Variants in ZBBX observed in about 807,000 individuals in gnomAD.
ZBBX encodes zinc finger B-box domain containing.
Under a neutral mutation model 108.5 loss-of-function variants are expected in ZBBX, and 101 were observed. That is an observed-to-expected ratio of 0.93 (90% CI 0.79 to 1.10). The LOEUF is 1.10. ZBBX is among the 50% of genes least tolerant of loss of function. The pLI is 0.00. For missense variants in ZBBX, 1,009 were observed against 941.4 expected (o/e 1.07, Z -0.94); for synonymous variants, 356 against 323.4 (o/e 1.10, Z -1.08).
At chr3:167,377,194 CAT>C (rs1747097322) in intron 2 of ZBBX, among the ~76,000 whole-genome samples, 3 of 152,156 alleles carry the variant, frequency 2.0e-5, no homozygotes, top group African/African-American at 2.4e-5. Flanking sequence ...TCCTTCTACA[CAT>C]GTTCCTATTT....
At chr3:167,317,145 T>C in intron 13 of ZBBX, 40 bp from the exon 14 acceptor site, 6 of 1,294,406 alleles carry the variant, frequency 4.6e-6, no homozygotes, top group South Asian at 1.3e-5. Flanking sequence ...TCAAAGAATA[T>C]ATCTTACTTT....
At chr3:167,300,609 C>CTT (rs59816017) in intron 17 of ZBBX, among the ~76,000 whole-genome samples, 3 of 141,804 alleles carry the variant, frequency 2.1e-5, no homozygotes, top group Non-Finnish European at 4.6e-5. Context: ...CCCACCAACC[C>CTT]TTTTTTTTTT....
intron 11 of ZBBX, among the ~76,000 whole-genome samples, chr3:167,326,069 A>AT (rs1737330615): frequency 6.6e-6 from 1 of 152,158 alleles, no homozygotes; most frequent in African/African-American, 2.4e-5. Flanking sequence ...TTTTAAGGTA[A>AT]ATATGTAAGT....
chr3:167,245,403 C>A (rs1241243653), intron 20 of ZBBX, among the ~76,000 whole-genome samples: 2 of 152,076 alleles, frequency 1.3e-5, no homozygotes, highest in East Asian at 1.9e-4. Flanking sequence ...TTATTCTTTC[C>A]ATCTTCTCTC....
At chr3:167,308,747 G>A (rs1256747800) in intron 16 of ZBBX, among the ~76,000 whole-genome samples, 1 of 152,112 alleles carries the variant, frequency 6.6e-6, no homozygotes, top group Non-Finnish European at 1.5e-5. Context: ...AAGCTAAATG[G>A]TGAGAACACA....
At chr3:167,343,241 A>C (rs1174580310) in intron 9 of ZBBX, among the ~76,000 whole-genome samples, 1 of 151,716 alleles carries the variant, frequency 6.6e-6, no homozygotes, top group Admixed American at 6.6e-5. Flanking sequence ...ATCTTTCAAA[A>C]TTTCCTCAGC....
chr3:167,379,342 G>A (rs1440603939), intron 2 of ZBBX, among the ~76,000 whole-genome samples: 3 of 152,120 alleles, frequency 2.0e-5, no homozygotes, highest in African/African-American at 7.2e-5. Context: ...ATTAAAAAGC[G>A]AATAAAATAA....
Position 167,365,936 on chromosome 3 carries a change from A to G in ZBBX, c.223T>C (p.Leu75=). ...GACATCATATATGATTGATTGACCA[A>G]TTTGCCCACTTTTCCAGATTTCCAG... ...YYWKSGKVGK[L]VNQSYMMSQN... is the part of the protein sequence containing the mutation. The change falls in exon 6 of 22, where the codon TTG becomes CTG. Residue 75 remains leucine, a synonymous_variant. Coordinates refer to ENST00000675490, the MANE Select transcript of ZBBX (RefSeq NM_001199201.2). 1 of 1,609,298 alleles carries G rather than the reference A, an allele frequency of 6.2e-7. No individual in the cohort carries two copies. The highest frequency in any genetic ancestry group is 8.5e-7 in the Non-Finnish European group (1 of 1,176,810).
At chr3:167,278,662 A>T (rs1728163442) in intron 20 of ZBBX, among the ~76,000 whole-genome samples, 1 of 151,706 alleles carries the variant, frequency 6.6e-6, no homozygotes. Flanking sequence ...GCCGAATTCT[A>T]CCAGAGGTAC....
chr3:167,276,787 A>G (rs1727671604), intron 20 of ZBBX, among the ~76,000 whole-genome samples: 5 of 152,160 alleles, frequency 3.3e-5, no homozygotes, highest in Admixed American at 3.3e-4. Flanking sequence ...CAAGACACAT[A>G]ATTGTCAGAT....
chr3:167,234,585 G>A, the ZBBX span, among the ~76,000 whole-genome samples: 1 of 151,804 alleles, frequency 6.6e-6, no homozygotes, highest in African/African-American at 2.4e-5. Context: ...TCCCTTAAAT[G>A]TGACTTATTT....
At chr3:167,252,865 A>G (rs1045557673) in intron 20 of ZBBX, among the ~76,000 whole-genome samples, 5 of 152,164 alleles carry the variant, frequency 3.3e-5, no homozygotes, top group African/African-American at 1.2e-4. Flanking sequence ...TATTGCATTC[A>G]ATTTGTAAAT....
At chr3:167,180,014 C>T in the ZBBX span, among the ~76,000 whole-genome samples, 1 of 151,944 alleles carries the variant, frequency 6.6e-6, no homozygotes, top group Non-Finnish European at 1.5e-5. Flanking sequence ...TTCCCATTTC[C>T]TATCATAGTA....
intron 1 of ZBBX, among the ~76,000 whole-genome samples, chr3:167,394,412 T>C (rs969769312): frequency 3.3e-5 from 5 of 152,010 alleles, no homozygotes; most frequent in South Asian, 4.1e-4. Context: ...CACATGCATA[T>C]GGACACAATT....
chr3:167,336,716 A>T (rs1560145952), intron 9 of ZBBX, among the ~76,000 whole-genome samples: 1 of 152,304 alleles, frequency 6.6e-6, no homozygotes, highest in East Asian at 1.9e-4. Flanking sequence ...AAAATATTAA[A>T]TTTTGTCTCT....
At chr3:167,335,733 C>T (rs913696871) in intron 9 of ZBBX, among the ~76,000 whole-genome samples, 2 of 151,586 alleles carry the variant, frequency 1.3e-5, no homozygotes, top group African/African-American at 4.9e-5. Context: ...TGGAATATAT[C>T]AGTGAACATC....
At chr3:167,402,910 T>C (rs1410891778) in intron 1 of ZBBX, among the ~76,000 whole-genome samples, 1 of 151,886 alleles carries the variant, frequency 6.6e-6, no homozygotes, top group African/African-American at 2.4e-5. Context: ...AAACAAACTG[T>C]TAAATACATA....
the ZBBX span, among the ~76,000 whole-genome samples, chr3:167,181,809 C>A: frequency 6.6e-6 from 1 of 152,186 alleles, no homozygotes; most frequent in Admixed American, 6.5e-5. Flanking sequence ...TAAATTTAAA[C>A]TAGACCTACC....
chr3:167,200,219 G>GA, the ZBBX span, among the ~76,000 whole-genome samples: 321 of 152,170 alleles, frequency 2.1e-3, 8 homozygotes, highest in Non-Finnish European at 2.4e-3. Flanking sequence ...TAGGTGGCAT[G>GA]AATTTGGCAG....
Sources: allele counts gnomAD v4.1 joint callset (sites outside exome capture counted in the v4.1 genomes callset), GRCh38; gene constraint gnomAD v4.1.1; transcripts MANE v1.5; gene names NCBI Gene and HGNC (gene_info 2026-07-23, HGNC 2026-07-21).